The following LIMA1 variants were observed in gnomAD, a reference collection of about 807,000 sequenced individuals.
LIMA1 encodes LIM domain and actin binding 1.
Under a neutral mutation model 62.6 loss-of-function variants are expected in LIMA1, and 52 were observed. That is an observed-to-expected ratio of 0.83 (90% CI 0.67 to 1.05). LIMA1 has a LOEUF of 1.05. Among genes scored for constraint, LIMA1 ranks in the 50% least tolerant of loss-of-function variants. The pLI is 0.00. For missense variants in LIMA1, 780 were observed against 902.2 expected, an observed-to-expected ratio of 0.86 and a Z score of 1.74; for synonymous variants, 302 against 317.8, an observed-to-expected ratio of 0.95 and a Z score of 0.53.
At chr12:50,181,857 T>A in intron 10 of LIMA1, 47 bp downstream of exon 10, 2 of 1,609,192 alleles carry the variant, frequency 1.2e-6, no homozygotes, top group African/African-American at 1.3e-5. Context: ...AAAGACTCCC[T>A]CTAGAGTTCC....
chr12:50,273,657 C>G (rs928793262), intron 1 of LIMA1, among the ~76,000 whole-genome samples: 40 of 151,924 alleles, frequency 2.6e-4, no homozygotes, highest in African/African-American at 7.5e-4. Flanking sequence ...TAATAAGAAA[C>G]CTTTTGTTTA....
chr12:50,214,870 T>C (rs1009065830), intron 4 of LIMA1, among the ~76,000 whole-genome samples: 1 of 152,248 alleles, frequency 6.6e-6, no homozygotes, highest in Non-Finnish European at 1.5e-5. Context: ...TGGGATATAA[T>C]TCTAAATAAG....
intron 1 of LIMA1, among the ~76,000 whole-genome samples, chr12:50,258,245 G>GCCACTAA (rs1942022758): frequency 6.6e-6 from 1 of 152,106 alleles, no homozygotes; most frequent in Non-Finnish European, 1.5e-5. Context: ...GCGTCTTAGT[G>GCCACTAA]GACAAAACCA....
intron 3 of LIMA1, among the ~76,000 whole-genome samples, chr12:50,227,237 CTTT>C (rs199650468): frequency 1.6e-5 from 2 of 123,990 alleles, no homozygotes; most frequent in Non-Finnish European, 3.3e-5. Context: ...TTTTTCTTTT[CTTT>C]TTTTTTTTTT....
Position 50,274,971 on chromosome 12 carries a change from T to C in LIMA1, c.-24+8449A>G, listed in dbSNP as rs78243707. The stretch of plus-strand genomic sequence containing the variant: ...ATTAAATACGGATTAATAACAATGC[T>C]AAAGGATTTTAATTTTATTCTATGT... On this transcript the variant is annotated intron_variant, in intron 1 of 10. Coordinates refer to ENST00000341247, the MANE Select transcript of LIMA1 (RefSeq NM_016357.5). Among the ~76,000 whole-genome samples the C allele has an allele frequency of 5.6e-3, 857 of 152,300 alleles. 6 individuals carry two copies. Among genetic ancestry groups the C allele is most frequent in the African/African-American group, 0.02 (836 of 41,554 alleles).
At chr12:50,230,821 C>T (rs1434495995) in intron 3 of LIMA1, among the ~76,000 whole-genome samples, 5 of 152,126 alleles carry the variant, frequency 3.3e-5, no homozygotes, top group African/African-American at 1.2e-4. Flanking sequence ...TCGTGATCTG[C>T]CCGCCTCGGT....
chr12:50,261,050 T>A (rs1164173749), intron 1 of LIMA1, among the ~76,000 whole-genome samples: 9 of 41,344 alleles, frequency 2.2e-4, no homozygotes, highest in African/African-American at 1.0e-3. Context: ...ATATTTTTTT[T>A]TTTTTTTTTT....
rs780033962 is a variant in LIMA1, at chr12:50,177,970, G to A, written c.1374C>T (p.His458=). The part of the protein sequence containing the change: ...SKGNYDEGFG[H]RPHKDLWASK... Reference sequence around the variant, plus strand: ...TTGCCCATAGATCCTTGTGTGGTCTGTGCCCAAAGCCTTCATCATAGTTGC... The same window carrying A: ...TTGCCCATAGATCCTTGTGTGGTCTATGCCCAAAGCCTTCATCATAGTTGC... Residue 458 remains histidine, a synonymous_variant, in exon 11 of 11, where the codon CAC becomes CAT. Transcript: ENST00000341247. 5 of 1,612,312 alleles carry A rather than the reference G, an allele frequency of 3.1e-6. No individual in the cohort carries two copies. The Admixed American group carries it at 5.0e-5, about 16-fold the overall frequency.
intron 10 of LIMA1, among the ~76,000 whole-genome samples, chr12:50,178,468 A>G (rs1940405682): frequency 6.6e-6 from 1 of 151,532 alleles, no homozygotes. Flanking sequence ...AATCACTTGA[A>G]CCCGGGAGGC....
intron 1 of LIMA1, among the ~76,000 whole-genome samples, chr12:50,281,101 G>A (rs546846296): frequency 6.6e-6 from 1 of 152,154 alleles, no homozygotes; most frequent in South Asian, 2.1e-4. Flanking sequence ...TTGTGGTTAG[G>A]TGCCCTATTA....
intron 1 of LIMA1, among the ~76,000 whole-genome samples, chr12:50,263,855 G>GAGAGTATATATATATATATATAA (rs1942104603): frequency 9.8e-6 from 1 of 101,870 alleles, no homozygotes; most frequent in Admixed American, 1.1e-4. Context: ...TATATATAGA[G>GAGAGTATATATATATATATATAA]AGTATATATA....
chr12:50,183,291 C>T (rs780356307), intron 9 of LIMA1, among the ~76,000 whole-genome samples: 17 of 152,068 alleles, frequency 1.1e-4, no homozygotes, highest in Non-Finnish European at 2.2e-4. Context: ...GGAGTTAACC[C>T]TTGACTTGCC....
chr12:50,185,974 AAAGAC>A (rs1456333811), intron 9 of LIMA1: 1 of 153,688 alleles, frequency 6.5e-6, no homozygotes, highest in African/African-American at 2.4e-5. Flanking sequence ...CTAGTTTCAT[AAAGAC>A]AAGAGGGTCC....
chr12:50,204,652 C>T lies in LIMA1; in HGVS notation c.764G>A (p.Arg255Gln), dbSNP rs1941118523. The part of the protein sequence containing the change: ...TFDSEKNESR[R>Q]NLELPRLSET... ...TGAGAGGCGTGGAAGTTCCAGATTTCGTCTACTCTCATTTTTCTCCGAGTC... is the reference window on the plus strand; with the variant it reads ...TGAGAGGCGTGGAAGTTCCAGATTTTGTCTACTCTCATTTTTCTCCGAGTC... The change falls in exon 6 of 11, where the codon CGA becomes CAA. Residue 255 changes from arginine (R) to glutamine (Q), a missense_variant. By Grantham distance (43) the Arg-to-Gln change is conservative. Coordinates refer to ENST00000341247, the MANE Select transcript of LIMA1 (RefSeq NM_016357.5). 3.7e-6 allele frequency: 6 copies of T among 1,614,044 alleles called. No individual in the cohort carries two copies. The highest frequency in any genetic ancestry group is 2.2e-5 in the East Asian group (1 of 44,902).
intron 6 of LIMA1, among the ~76,000 whole-genome samples, chr12:50,202,780 C>A (rs1182290873): frequency 6.6e-6 from 1 of 152,178 alleles, no homozygotes; most frequent in South Asian, 2.1e-4. Context: ...CCAGAATACT[C>A]ATTATGGTTT....
intron 2 of LIMA1, among the ~76,000 whole-genome samples, chr12:50,240,051 C>T (rs12305117): frequency 7.3e-5 from 10 of 136,814 alleles, no homozygotes; most frequent in Admixed American, 4.7e-4. Flanking sequence ...CATAACATAA[C>T]ATAACATAAA....
At chr12:50,219,137 A>C (rs530212530) in intron 4 of LIMA1, among the ~76,000 whole-genome samples, 33 of 152,274 alleles carry the variant, frequency 2.2e-4, no homozygotes, top group Non-Finnish European at 4.1e-4. Flanking sequence ...CTGTGAGACT[A>C]TACAGGTAGG....
At chr12:50,185,920 T>C (rs1232400157) in intron 9 of LIMA1, 1 of 156,928 alleles carries the variant, frequency 6.4e-6, no homozygotes, top group African/African-American at 2.4e-5. Context: ...CCCTTTTCAA[T>C]ATTATTTAAG....
intron 8 of LIMA1, among the ~76,000 whole-genome samples, chr12:50,193,725 C>G (rs1390991118): frequency 1.6e-5 from 2 of 125,314 alleles, no homozygotes; most frequent in East Asian, 4.5e-4. Context: ...AGTGCAGTGG[C>G]ATGATCTCGG....
Sources: allele counts gnomAD v4.1 joint callset (sites outside exome capture counted in the v4.1 genomes callset), GRCh38; gene constraint gnomAD v4.1.1; transcripts MANE v1.5; gene names NCBI Gene and HGNC (gene_info 2026-07-23, HGNC 2026-07-21).